MGAT5: variants seen among roughly 807,000 people sequenced by gnomAD.
MGAT5 encodes alpha-1,6-mannosylglycoprotein 6-beta-N-acetylglucosaminyltransferase.
MGAT5 carries 30 observed loss-of-function variants against 94.3 expected under a neutral mutation model. That is an observed-to-expected ratio of 0.32 (90% confidence interval 0.24 to 0.43). The LOEUF is 0.43. MGAT5 is among the 20% of genes least tolerant of loss of function. The pLI, the probability that MGAT5 is intolerant of heterozygous loss-of-function variation, is 1.00. For synonymous variants in MGAT5, 310 were observed against 322.9 expected (o/e 0.96, Z 0.43); for missense variants, 691 against 905.5 (o/e 0.76, Z 3.04).
At chr2:134,390,245 G>A (rs1222499719) in intron 10 of MGAT5, among the ~76,000 whole-genome samples, 2 of 152,094 alleles carry the variant, frequency 1.3e-5, no homozygotes, top group Admixed American at 6.6e-5. Flanking sequence ...TCCCCTTTTT[G>A]AGGTTCACTT....
intron 12 of MGAT5, among the ~76,000 whole-genome samples, chr2:134,417,556 C>T (rs1276751590): frequency 6.6e-6 from 1 of 152,086 alleles, no homozygotes; most frequent in African/African-American, 2.4e-5. Flanking sequence ...TGATATTTTC[C>T]CATCAGTCAA....
intron 12 of MGAT5, among the ~76,000 whole-genome samples, chr2:134,421,813 C>T (rs960018423): frequency 2.6e-5 from 4 of 151,884 alleles, no homozygotes; most frequent in Non-Finnish European, 4.4e-5. Context: ...TACAACATGA[C>T]CTTAAAGGGA....
rs150743044 is a variant in MGAT5 at position 134,227,974 on chromosome 2, G to A, written c.-142-26288G>A. On this transcript the variant is annotated intron_variant, in intron 1 of 16. Transcript: ENST00000409645. ...AGAATGCACCCTTGTTTAAATACTC[G>A]AGACAGTGAGAAAATATCAAGACTC... Among the ~76,000 whole-genome samples the A allele has an allele frequency of 4.8e-3, 738 of 152,208 alleles. 23 individuals are homozygous for A. The highest frequency in any genetic ancestry group is 0.043 in the Admixed American group (660 of 15,282).
rs758627112 is a variant in MGAT5, at chr2:134,412,858, CTG to C, written c.1531-9_1531-8del. On this transcript the variant is annotated splice_polypyrimidine_tract_variant and intron_variant, in intron 11 of 15. Transcript: ENST00000281923. ...ATGTGTTCATACGCTGTGTGGTTTT[CTG>C]TCTTACAGTTGTTTGTTGGACTTGG... The C allele has an allele frequency of 6.2e-7, 1 of 1,613,946 alleles. No individual in the cohort carries two copies. Among genetic ancestry groups the C allele is most frequent in the Non-Finnish European group, 8.5e-7 (1 of 1,179,912 alleles).
At position 134,385,844 on chromosome 2, in the gene MGAT5, G is replaced by T. The variant is rs1168289524; in HGVS notation, c.1381-17144G>T. 2.6e-5 allele frequency among the ~76,000 whole-genome samples: 4 copies of T among 152,276 alleles called. No homozygotes were observed. In the East Asian group the frequency reaches 5.8e-4, roughly 22 times the overall value. ...ATGCAGATGATTAGGCTTGATAAAT[G>T]CTTATTGAAAGGAAGATCGATTTAG... On this transcript the variant is annotated intron_variant, in intron 10 of 15. Transcript: ENST00000281923.
intron 1 of MGAT5, among the ~76,000 whole-genome samples, chr2:134,248,565 C>T (rs1682411958): frequency 6.6e-6 from 1 of 152,148 alleles, no homozygotes; most frequent in South Asian, 2.1e-4. Flanking sequence ...GGTTACTGTA[C>T]AGGATGAAGC....
chr2:134,443,634 G>C (rs915085128), intron 15 of MGAT5, among the ~76,000 whole-genome samples: 2 of 152,224 alleles, frequency 1.3e-5, no homozygotes, highest in Non-Finnish European at 2.9e-5. Flanking sequence ...CAAGCTTTAG[G>C]AGGGGGCAGT....
In MGAT5 at chr2:134,442,465, G is replaced by A. The variant is rs1685536531; in HGVS notation, c.2027+550G>A. Among the ~76,000 whole-genome samples, 3 of 152,248 alleles carry A rather than the reference G, an allele frequency of 2.0e-5. No homozygotes were observed. The South Asian group carries it at 6.2e-4, about 32-fold the overall frequency. On this transcript the variant is annotated intron_variant, in intron 15 of 15. Transcript: ENST00000281923. ...CTTCTCCTGCGGCCTGTTCCCTTTT[G>A]CACTTTCTTCTAGCTCACTGACACA...
At chr2:134,384,214 G>GAAA (rs34069237) in intron 10 of MGAT5, among the ~76,000 whole-genome samples, 5 of 137,842 alleles carry the variant, frequency 3.6e-5, no homozygotes, top group Non-Finnish European at 7.7e-5. Context: ...TCCGGCCCTT[G>GAAA]AAAAAAAAAA....
At chr2:134,189,602 G>GTTGTTTTTTTTTTTTTTTT (rs1689232395) in intron 1 of MGAT5, among the ~76,000 whole-genome samples, 25 of 84,644 alleles carry the variant, frequency 3.0e-4, no homozygotes, top group African/African-American at 1.1e-3. Context: ...GTTTTTTTTT[G>GTTGTTTTTTTTTTTTTTTT]TTTTTTTTTT....
At chr2:134,412,735 C>A in intron 11 of MGAT5, 134 bp from the exon 12 acceptor site, 1 of 1,099,526 alleles carries the variant, frequency 9.1e-7, no homozygotes, top group Non-Finnish European at 1.3e-6. Flanking sequence ...CCCCCCAGGG[C>A]CTGGGAGCCT....
At chr2:134,188,213 T>C (rs1444869188) in intron 1 of MGAT5, among the ~76,000 whole-genome samples, 1 of 152,234 alleles carries the variant, frequency 6.6e-6, no homozygotes, top group Non-Finnish European at 1.5e-5. Context: ...ATGAGGCCAT[T>C]CTGAGGTTGG....
intron 14 of MGAT5, among the ~76,000 whole-genome samples, chr2:134,437,475 GGA>G (rs1384316812): frequency 6.6e-6 from 1 of 152,194 alleles, no homozygotes; most frequent in Non-Finnish European, 1.5e-5. Flanking sequence ...AGCCTAAACA[GGA>G]GCTTTCAGCC....
intron 10 of MGAT5, among the ~76,000 whole-genome samples, chr2:134,393,900 G>A (rs1464455911): frequency 3.5e-5 from 5 of 142,922 alleles, no homozygotes; most frequent in African/African-American, 1.3e-4. Flanking sequence ...AGAAGCACAT[G>A]CATATTGAGT....
At chr2:134,354,246 C>T (rs939387459) in intron 9 of MGAT5, among the ~76,000 whole-genome samples, 4 of 152,182 alleles carry the variant, frequency 2.6e-5, no homozygotes, top group East Asian at 1.9e-4. Flanking sequence ...TTCCTGTGTG[C>T]TTAGATTGTG....
At chr2:134,437,867 T>C (rs1287036561) in intron 14 of MGAT5, among the ~76,000 whole-genome samples, 1 of 151,928 alleles carries the variant, frequency 6.6e-6, no homozygotes, top group Non-Finnish European at 1.5e-5. Context: ...ATACAAAAAT[T>C]AGCTGCGTGT....
intron 1 of MGAT5, among the ~76,000 whole-genome samples, chr2:134,229,019 C>T (rs1002467413): frequency 3.3e-5 from 5 of 152,264 alleles, no homozygotes; most frequent in Admixed American, 3.3e-4. Flanking sequence ...TTACTTCTTA[C>T]TAGTCAACAT....
chr2:134,273,027 G>A lies in MGAT5; in HGVS notation c.406+2477G>A, dbSNP rs568683253. Reference sequence around the variant, plus strand: ...TGTGTGTCTGTGTGTGTGTGCGCGCGCGCGTGCGCGTGCATGCATGCAGAG... The same window carrying A: ...TGTGTGTCTGTGTGTGTGTGCGCGCACGCGTGCGCGTGCATGCATGCAGAG... On this transcript the variant is annotated intron_variant, in intron 2 of 15. Coordinates refer to ENST00000281923, the MANE Select transcript of MGAT5 (RefSeq NM_002410.5). Among the ~76,000 whole-genome samples, 20 of 123,764 alleles carry A rather than the reference G, an allele frequency of 1.6e-4. No homozygotes were observed. In the East Asian group the frequency reaches 4.9e-3, roughly 30 times the overall value. The allele number at this position is 123,764 out of a possible 152,430, so 81.2% of individuals were successfully genotyped here. A position where few individuals can be genotyped will look rare whatever the true frequency, so the allele number is the denominator to read the frequency against.
At chr2:134,411,749 T>C (rs1035271286) in intron 11 of MGAT5, among the ~76,000 whole-genome samples, 4 of 152,176 alleles carry the variant, frequency 2.6e-5, no homozygotes, top group Non-Finnish European at 4.4e-5. Context: ...AGGGGATTGC[T>C]GTGAAAAGAC....
Sources: gnomAD v4.1 joint callset for allele counts (sites outside exome capture counted in the v4.1 genomes callset) on GRCh38, gnomAD v4.1.1 for gene constraint, MANE v1.5 for transcripts, NCBI Gene and HGNC (gene_info 2026-07-23, HGNC 2026-07-21) for gene names.